The following FGF2 variants were observed in gnomAD, a reference collection of about 807,000 sequenced individuals.
The protein encoded by FGF2 is basic fibroblast growth factor bFGF.
FGF2 carries 13 observed loss-of-function variants against 15.9 expected under a neutral mutation model. The ratio of observed to expected loss-of-function variants is 0.82; its 90% CI spans 0.53 to 1.30. The LOEUF (loss-of-function observed/expected upper bound fraction) is 1.30. Among genes scored for constraint, FGF2 ranks in the 50% most tolerant of loss-of-function variants. The pLI, the probability that FGF2 is intolerant of heterozygous loss-of-function variation, is 0.00. For missense variants in FGF2, 163 were observed against 196.9 expected (o/e 0.83, Z 1.03); for synonymous variants, 90 against 78.4 (o/e 1.15, Z -0.78).
chr4:122,877,410 G>A (rs1385161234), intron 2 of FGF2, among the ~76,000 whole-genome samples: 1 of 152,210 alleles, frequency 6.6e-6, no homozygotes, highest in Non-Finnish European at 1.5e-5. Context: ...ACCGTGCCTG[G>A]CTGTAGAGAG....
intron 1 of FGF2, among the ~76,000 whole-genome samples, chr4:122,853,366 A>G (rs976429216): frequency 1.3e-5 from 2 of 152,208 alleles, no homozygotes; most frequent in African/African-American, 2.4e-5. Context: ...ACCCTCCAGA[A>G]TCAGAGTGTG....
intron 1 of FGF2, among the ~76,000 whole-genome samples, chr4:122,832,946 A>T (rs550084990): frequency 1.8e-4 from 27 of 152,154 alleles, no homozygotes; most frequent in Non-Finnish European, 1.8e-4. Context: ...TTCCAGGGGA[A>T]CTCACCCTTT....
Position 122,897,822 on chromosome 4 carries a change from A to G in FGF2, c.*5426A>G. The stretch of plus-strand genomic sequence containing the variant: ...TGCATGCAAAATTTTTCTAGCTTCC[A>G]TCCTTTCTCCCTCGTTTCTTCTTTT... On this transcript the variant is annotated 3_prime_UTR_variant, in exon 3 of 3. Coordinates refer to ENST00000644866, the MANE Select transcript of FGF2 (RefSeq NM_001361665.2). 3.2e-6 allele frequency: 2 copies of G among 627,748 alleles called. No individual in the cohort carries two copies. The highest frequency in any genetic ancestry group is 2.9e-6 in the Non-Finnish European group (1 of 346,984). The allele number at this position is 627,748 out of a possible 1,614,324, so 38.9% of individuals were successfully genotyped here.
At chr4:122,860,537 C>T (rs1287770184) in intron 1 of FGF2, among the ~76,000 whole-genome samples, 1 of 143,650 alleles carries the variant, frequency 7.0e-6, no homozygotes, top group Non-Finnish European at 1.5e-5. Flanking sequence ...TCACTGCAAC[C>T]TCCACCCACC....
chr4:122,846,406 A>G (rs1445438344), intron 1 of FGF2, among the ~76,000 whole-genome samples: 2 of 152,262 alleles, frequency 1.3e-5, no homozygotes, highest in Non-Finnish European at 1.5e-5. Flanking sequence ...TTTAAAAATC[A>G]TAGTATCTGT....
chr4:122,860,973 C>A (rs73844947), intron 1 of FGF2, among the ~76,000 whole-genome samples: 147 of 152,174 alleles, frequency 9.7e-4, no homozygotes, highest in African/African-American at 3.3e-3. Context: ...CTGTTAGATA[C>A]CTTAGTTTCC....
chr4:122,829,317 A>G (rs1406804259), intron 1 of FGF2, among the ~76,000 whole-genome samples: 3 of 152,176 alleles, frequency 2.0e-5, no homozygotes, highest in Non-Finnish European at 4.4e-5. Flanking sequence ...GCCTGGAGAC[A>G]TTTTTGGTTG....
intron 1 of FGF2, among the ~76,000 whole-genome samples, chr4:122,841,177 AG>A (rs1725976744): frequency 6.6e-6 from 1 of 152,226 alleles, no homozygotes; most frequent in African/African-American, 2.4e-5. Context: ...TAGGATTCTT[AG>A]GCCAGGCTCC....
At chr4:122,871,009 T>G (rs1293606172) in intron 1 of FGF2, among the ~76,000 whole-genome samples, 1 of 152,190 alleles carries the variant, frequency 6.6e-6, no homozygotes, top group Non-Finnish European at 1.5e-5. Context: ...TCTCAAAGAT[T>G]CTGGTACATT....
chr4:122,827,768 T>C lies in FGF2; in HGVS notation c.178+416T>C, dbSNP rs1725678999. ...GGACCGCAGCAGAACGAAACGGTCT[T>C]TACTGGAAAAACACCTTTCTAGAGT... On this transcript the variant is annotated intron_variant, in intron 1 of 2. Coordinates refer to ENST00000644866, the MANE Select transcript of FGF2 (RefSeq NM_001361665.2). This position sits in a 1 kb window ranked among gnomAD's most constrained non-coding sequence, Gnocchi z 4.2. 6.6e-6 allele frequency among the ~76,000 whole-genome samples: 1 copy of C among 152,174 alleles called. No individual in the cohort carries two copies. Among genetic ancestry groups the C allele is most frequent in the African/African-American group, 2.4e-5 (1 of 41,454 alleles).
chr4:122,845,261 C>T (rs1578456392), intron 1 of FGF2, among the ~76,000 whole-genome samples: 1 of 152,276 alleles, frequency 6.6e-6, no homozygotes, highest in East Asian at 1.9e-4. Context: ...GTCATCCAGG[C>T]TTTGTTATTC....
intron 1 of FGF2, among the ~76,000 whole-genome samples, chr4:122,837,062 A>G (rs2150763791): frequency 6.6e-6 from 1 of 152,304 alleles, no homozygotes; most frequent in East Asian, 1.9e-4. Flanking sequence ...TGTAAAAGTT[A>G]GTATTGGGGA....
chr4:122,857,599 G>A (rs1413534940), intron 1 of FGF2, among the ~76,000 whole-genome samples: 1 of 152,174 alleles, frequency 6.6e-6, no homozygotes, highest in Non-Finnish European at 1.5e-5. Context: ...TGGGCATTGT[G>A]TTACAGTTGC....
chr4:122,844,700 A>G (rs1019125791), intron 1 of FGF2, among the ~76,000 whole-genome samples: 2 of 148,652 alleles, frequency 1.3e-5, no homozygotes, highest in Non-Finnish European at 3.0e-5. Flanking sequence ...ACGGTGGTAT[A>G]GTCATGGCTC....
chr4:122,892,703 C>A lies in FGF2; in HGVS notation c.*307C>A. On this transcript the variant is annotated 3_prime_UTR_variant, in exon 3 of 3. Coordinates refer to ENST00000644866, the MANE Select transcript of FGF2 (RefSeq NM_001361665.2). ...CTTTTAAAATGTGCATGTTTAGAAA[C>A]AAAATTTCTTCATGGAAATCATATA... 7.4e-7 allele frequency: 1 copy of A among 1,353,690 alleles called. No homozygotes were observed. Among genetic ancestry groups the A allele is most frequent in the Non-Finnish European group, 9.8e-7 (1 of 1,019,794 alleles). 83.9% of individuals were successfully genotyped at this position (1,353,690 alleles called of 1,614,324 possible).
chr4:122,858,054 C>A (rs1340377028), intron 1 of FGF2, among the ~76,000 whole-genome samples: 2 of 151,898 alleles, frequency 1.3e-5, no homozygotes, highest in African/African-American at 2.4e-5. Context: ...TTTAATTTTT[C>A]TTTCTTTCAT....
intron 2 of FGF2, among the ~76,000 whole-genome samples, chr4:122,886,725 A>C (rs1239395115): frequency 6.6e-6 from 1 of 152,074 alleles, no homozygotes; most frequent in East Asian, 1.9e-4. Context: ...TACTCTCAAC[A>C]ATGCATTTAT....
At chr4:122,858,659 A>AGGGTT (rs1726389471) in intron 1 of FGF2, among the ~76,000 whole-genome samples, 1 of 152,068 alleles carries the variant, frequency 6.6e-6, no homozygotes, top group Non-Finnish European at 1.5e-5. Context: ...TGTCCTCCCA[A>AGGGTT]AGTGCTAGGG....
chr4:122,857,620 A>G (rs1294569808), intron 1 of FGF2, among the ~76,000 whole-genome samples: 5 of 152,240 alleles, frequency 3.3e-5, no homozygotes, highest in Non-Finnish European at 7.3e-5. Context: ...TTGTATTGGT[A>G]GCTCAGCCAG....
Sources: gnomAD v4.1 joint callset for allele counts (sites outside exome capture counted in the v4.1 genomes callset) on GRCh38, gnomAD v4.1.1 for gene constraint, Gnocchi (gnomAD v3.1) non-coding constraint, MANE v1.5 for transcripts, NCBI Gene and HGNC (gene_info 2026-07-23, HGNC 2026-07-21) for gene names.